TMEM44: variants seen among roughly 807,000 people sequenced by gnomAD.
TMEM44 encodes the protein transmembrane protein 44.
Under a neutral mutation model 47.8 loss-of-function variants are expected in TMEM44, and 43 were observed. That is an observed-to-expected ratio of 0.90 (90% CI 0.70 to 1.16). The LOEUF (loss-of-function observed/expected upper bound fraction) is 1.16. Among genes scored for constraint, TMEM44 ranks in the 50% most tolerant of loss-of-function variants. The pLI, the probability that TMEM44 is intolerant of heterozygous loss-of-function variation, is 0.00. For synonymous variants in TMEM44, 277 were observed against 238.8 expected (o/e 1.16, Z -1.48); for missense variants, 568 against 555.2 (o/e 1.02, Z -0.23).
At chr3:194,604,146 G>T in intron 9 of TMEM44, 141 bp downstream of exon 9, 2 of 1,102,368 alleles carry the variant, frequency 1.8e-6, no homozygotes, top group Non-Finnish European at 2.6e-6. Context: ...GAGCCACCGC[G>T]CCTGGCCTCA....
intron 9 of TMEM44, among the ~76,000 whole-genome samples, chr3:194,590,525 T>C (rs375583367): frequency 7.2e-5 from 11 of 152,212 alleles, no homozygotes; most frequent in African/African-American, 2.7e-4. Context: ...GTGACCCACC[T>C]GCCCAGTGAA....
chr3:194,588,664 A>G, intron 9 of TMEM44, 25 bp from the exon 10 acceptor site: 1 of 1,604,640 alleles, frequency 6.2e-7, no homozygotes, highest in East Asian at 2.2e-5. Flanking sequence ...TGCAAAGGGT[A>G]GCTGGGTGGA....
chr3:194,612,683 G>C (rs1715445416), intron 7 of TMEM44, among the ~76,000 whole-genome samples: 1 of 150,034 alleles, frequency 6.7e-6, no homozygotes, highest in South Asian at 2.1e-4. Context: ...CCTTTTTTTT[G>C]AGACGGAGTC....
At chr3:194,622,297 T>C (rs1012584751) in intron 5 of TMEM44, among the ~76,000 whole-genome samples, 4 of 152,244 alleles carry the variant, frequency 2.6e-5, no homozygotes, top group Non-Finnish European at 4.4e-5. Flanking sequence ...GGTCTGGCAG[T>C]GTAAACAGTT....
rs1046647676 is a variant in TMEM44 at position 194,593,202 on chromosome 3, G to A, written c.1177-4563C>T. 31 of 902,452 alleles carry A rather than the reference G, an allele frequency of 3.4e-5. No homozygotes were observed. The Admixed American group carries it at 5.7e-4, about 17-fold the overall frequency. 55.9% of individuals were successfully genotyped at this position (902,452 alleles called of 1,614,324 possible). A position where few individuals can be genotyped will look rare whatever the true frequency, so the allele number is the denominator to read the frequency against. Reference sequence around the variant, plus strand: ...GAGACAGGCCCTTAGATGGTTGGGGGCAAAGGAACAGGTGACTTCAGCAAG... The same window carrying A: ...GAGACAGGCCCTTAGATGGTTGGGGACAAAGGAACAGGTGACTTCAGCAAG... On this transcript the variant is annotated intron_variant, in intron 9 of 9. Coordinates refer to ENST00000347147, the MANE Select transcript of TMEM44 (RefSeq NM_001011655.3).
intron 8 of TMEM44, among the ~76,000 whole-genome samples, chr3:194,607,532 C>T (rs1714902438): frequency 6.6e-6 from 1 of 152,154 alleles, no homozygotes; most frequent in African/African-American, 2.4e-5. Flanking sequence ...GCATAGAGGT[C>T]AATGGCACAA....
intron 5 of TMEM44, among the ~76,000 whole-genome samples, chr3:194,621,501 C>T (rs758188050): frequency 6.6e-6 from 1 of 152,144 alleles, no homozygotes; most frequent in African/African-American, 2.4e-5. Flanking sequence ...AGAGCCACCC[C>T]GGTGGGCTGC....
intron 1 of TMEM44, among the ~76,000 whole-genome samples, chr3:194,631,081 C>A (rs930605723): frequency 6.6e-6 from 1 of 151,632 alleles, no homozygotes; most frequent in Non-Finnish European, 1.5e-5. Context: ...GTCGCACGTG[C>A]CTCCCGAAGG....
At chr3:194,623,499 C>T (rs766730754) in intron 4 of TMEM44, 30 bp downstream of exon 4, 15 of 1,557,828 alleles carry the variant, frequency 9.6e-6, no homozygotes, top group East Asian at 2.3e-5. Context: ...TGCAGTACCC[C>T]GAGTCCTCCC....
chr3:194,603,528 G>C (rs1002331397), intron 9 of TMEM44, among the ~76,000 whole-genome samples: 1 of 152,134 alleles, frequency 6.6e-6, no homozygotes, highest in Non-Finnish European at 1.5e-5. Context: ...CTCCCAAGTA[G>C]CTGGGATTAC....
chr3:194,592,775 C>T (rs569445904), intron 9 of TMEM44, among the ~76,000 whole-genome samples: 5 of 152,208 alleles, frequency 3.3e-5, no homozygotes, highest in African/African-American at 7.2e-5. Flanking sequence ...ACACCATGCC[C>T]GGCTAATTTT....
intron 5 of TMEM44, among the ~76,000 whole-genome samples, chr3:194,620,460 C>T (rs1716401164): frequency 6.6e-6 from 1 of 152,116 alleles, no homozygotes; most frequent in South Asian, 2.1e-4. Context: ...GATTAGATTG[C>T]TCTCTAAGTG....
At chr3:194,596,206 C>A (rs972143528) in intron 9 of TMEM44, among the ~76,000 whole-genome samples, 1 of 151,844 alleles carries the variant, frequency 6.6e-6, no homozygotes, top group African/African-American at 2.4e-5. Flanking sequence ...GGGCTGGGGT[C>A]GAGTGTTGGA....
At chr3:194,628,917 A>G (rs1358355567) in intron 1 of TMEM44, among the ~76,000 whole-genome samples, 1 of 152,202 alleles carries the variant, frequency 6.6e-6, no homozygotes, top group Non-Finnish European at 1.5e-5. Flanking sequence ...TAATCCCAGC[A>G]GTTTGGGAGG....
intron 9 of TMEM44, among the ~76,000 whole-genome samples, chr3:194,591,109 G>A (rs147225384): frequency 2.6e-5 from 4 of 152,188 alleles, no homozygotes; most frequent in East Asian, 1.9e-4. Flanking sequence ...CAAGAGAATC[G>A]CTTGAACCTG....
chr3:194,633,208 T>G lies in TMEM44; in HGVS notation c.8A>C (p.Glu3Ala). 1 of 1,463,388 alleles carries G rather than the reference T, an allele frequency of 6.8e-7. No homozygotes were observed. Among genetic ancestry groups the G allele is most frequent in the Non-Finnish European group, 9.0e-7 (1 of 1,106,032 alleles). The allele number at this position is 1,463,388 out of a possible 1,614,324, so 90.7% of individuals were successfully genotyped here. Residue 3 changes from glutamate (E) to alanine (A), a missense_variant, in exon 1 of 10, where the codon GAG becomes GCG. Coordinates refer to ENST00000347147, the MANE Select transcript of TMEM44 (RefSeq NM_001011655.3). MGEAPSPAPALWD... is the reference protein window; with the variant it reads MGAAPSPAPALWD... ...GAGCGCGGGCGCGGGGCTGGGCGCCTCCCCCATGGCGCGGCTGGGCGCGCG... is the reference window on the plus strand; with the variant it reads ...GAGCGCGGGCGCGGGGCTGGGCGCCGCCCCCATGGCGCGGCTGGGCGCGCG...
intron 9 of TMEM44, among the ~76,000 whole-genome samples, chr3:194,594,813 T>C (rs1357162614): frequency 6.6e-6 from 1 of 152,166 alleles, no homozygotes; most frequent in African/African-American, 2.4e-5. Flanking sequence ...TGTGCTGAAA[T>C]GAAACCTTGA....
At chr3:194,612,715 A>G (rs929192127) in intron 7 of TMEM44, among the ~76,000 whole-genome samples, 5 of 152,074 alleles carry the variant, frequency 3.3e-5, no homozygotes, top group Non-Finnish European at 5.9e-5. Context: ...CCCAGGCTGG[A>G]GTGCAGTGGC....
At chr3:194,623,862 C>T (rs890178617) in intron 3 of TMEM44, among the ~76,000 whole-genome samples, 167 bp from the exon 4 acceptor site, 1 of 152,178 alleles carries the variant, frequency 6.6e-6, no homozygotes, top group Admixed American at 6.5e-5. Flanking sequence ...TGTAGTTGTG[C>T]CACCTCTTCA....
Sources: gnomAD v4.1 joint callset for allele counts (sites outside exome capture counted in the v4.1 genomes callset) on GRCh38, gnomAD v4.1.1 for gene constraint, MANE v1.5 for transcripts, NCBI Gene and HGNC (gene_info 2026-07-23, HGNC 2026-07-21) for gene names.